LRP6: variants seen among roughly 807,000 people sequenced by gnomAD.
LRP6 encodes the protein low-density lipoprotein receptor-related protein 6.
LRP6 carries 43 observed loss-of-function variants against 184.1 expected under a neutral mutation model. The ratio of observed to expected loss-of-function variants is 0.23; its 90% confidence interval spans 0.18 to 0.30. The LOEUF (loss-of-function observed/expected upper bound fraction) is 0.30, where lower values mean the gene tolerates loss of function less well. LRP6 is among the 10% of genes least tolerant of loss of function. LRP6 has a pLI of 1.00. For synonymous variants in LRP6, 719 were observed against 684.9 expected (o/e 1.05, Z -0.78); for missense variants, 1,571 against 2,005.3 (o/e 0.78, Z 4.14).
chr12:12,167,586 T>C (rs187276273), intron 7 of LRP6, among the ~76,000 whole-genome samples: 2 of 151,146 alleles, frequency 1.3e-5, no homozygotes, highest in Non-Finnish European at 2.9e-5. Context: ...GAGGTTGCAG[T>C]GTGCCGAGAT....
intron 2 of LRP6, among the ~76,000 whole-genome samples, chr12:12,236,876 A>G (rs1172086457): frequency 6.6e-6 from 1 of 152,062 alleles, no homozygotes; most frequent in Non-Finnish European, 1.5e-5. Context: ...GGATGTGTTC[A>G]CCAACCCAGA....
At chr12:12,158,417 CT>C (rs1862652162) in intron 12 of LRP6, among the ~76,000 whole-genome samples, 1 of 152,106 alleles carries the variant, frequency 6.6e-6, no homozygotes, top group African/African-American at 2.4e-5. Flanking sequence ...CCTCAATCTC[CT>C]GGGGCCAAGT....
intron 1 of LRP6, among the ~76,000 whole-genome samples, chr12:12,253,240 G>A (rs1278575657): frequency 6.6e-6 from 1 of 152,044 alleles, no homozygotes. Flanking sequence ...CTCCAGCCTG[G>A]GCAACACAGC....
At chr12:12,187,174 A>G in intron 3 of LRP6, 55 bp from the exon 4 acceptor site, 1 of 1,430,738 alleles carries the variant, frequency 7.0e-7, no homozygotes, top group Admixed American at 1.8e-5. Flanking sequence ...TTCTTCTATC[A>G]TAACGTCACC....
intron 12 of LRP6, chr12:12,155,446 A>G: frequency 1.0e-6 from 1 of 958,456 alleles, no homozygotes; most frequent in East Asian, 2.4e-5. Context: ...GCAAAACTGG[A>G]AGGGTCTACA....
At chr12:12,205,621 G>A (rs1291954952) in intron 2 of LRP6, among the ~76,000 whole-genome samples, 1 of 152,132 alleles carries the variant, frequency 6.6e-6, no homozygotes, top group African/African-American at 2.4e-5. Context: ...TCTTACTTAA[G>A]CCTTAAGCAA....
At chr12:12,155,728 G>C (rs10466848) in intron 12 of LRP6, 81,276 of 1,061,230 alleles carry the variant, frequency 0.077, 3,647 homozygotes, top group Admixed American at 0.12. Flanking sequence ...CAGTGGGAAG[G>C]AGCCTGAGCT....
At chr12:12,207,626 G>A (rs1172856164) in intron 2 of LRP6, among the ~76,000 whole-genome samples, 1 of 152,106 alleles carries the variant, frequency 6.6e-6, no homozygotes, top group African/African-American at 2.4e-5. Context: ...TAGCAAACTA[G>A]CCAGAAATCT....
intron 7 of LRP6, among the ~76,000 whole-genome samples, chr12:12,166,076 GAT>G (rs1333401391): frequency 6.6e-6 from 1 of 152,110 alleles, no homozygotes; most frequent in African/African-American, 2.4e-5. Context: ...ACTAATATTT[GAT>G]ATTTACATAT....
At chr12:12,173,270 G>A (rs1038592131) in intron 7 of LRP6, among the ~76,000 whole-genome samples, 2 of 152,212 alleles carry the variant, frequency 1.3e-5, no homozygotes, top group Non-Finnish European at 2.9e-5. Context: ...AAACCTAATA[G>A]GGAAAAGATT....
At position 12,242,759 on chromosome 12, in the gene LRP6, C is replaced by T. The variant is rs1303997217; in HGVS notation, c.449+1503G>A. Among the ~76,000 whole-genome samples the T allele has an allele frequency of 2.0e-5, 3 of 152,216 alleles. No individual in the cohort carries two copies. The East Asian group carries it at 5.8e-4, about 29-fold the overall frequency. On this transcript the variant is annotated intron_variant, in intron 2 of 22. Transcript: ENST00000261349. ...CTTCAACAAACACGTTTTAATTTCA[C>T]TCTAAAAAATACATATTTGTATTTC...
chr12:12,139,219 G>T (rs1439176750), intron 15 of LRP6, among the ~76,000 whole-genome samples: 1 of 152,148 alleles, frequency 6.6e-6, no homozygotes, highest in African/African-American at 2.4e-5. Flanking sequence ...TAAGTCATGA[G>T]TTCAGTCAAA....
rs902245186 is a variant in LRP6, at chr12:12,119,855, C to T, written c.*1271G>A. On this transcript the variant is annotated 3_prime_UTR_variant, in exon 23 of 23. Transcript: ENST00000261349. ...ATGTAGACATTATTCTGAGAAAAAC[C>T]GGTCTAAAGAACATGAAAACATCAC... is the stretch of plus-strand genomic sequence containing the variant. 2.7e-5 allele frequency: 4 copies of T among 150,606 alleles called. No individual in the cohort carries two copies. Among genetic ancestry groups the T allele is most frequent in the African/African-American group, 7.3e-5 (3 of 40,898 alleles). The allele number at this position is 150,606 out of a possible 1,614,324, so 9.3% of individuals were successfully genotyped here.
chr12:12,203,362 A>G lies in LRP6; in HGVS notation c.488T>C (p.Ile163Thr). ...YWTDWGEVPK[I>T]ERAGMDGSSR... Reference sequence around the variant, plus strand: ...TGAACCATCCATTCCAGCACGTTCTATCTTTGGCACTTCTCCCCAGTCTGT... The same window carrying G: ...TGAACCATCCATTCCAGCACGTTCTGTCTTTGGCACTTCTCCCCAGTCTGT... The change falls in exon 3 of 23, where the codon ATA (isoleucine) becomes ACA (threonine). Residue 163 changes from isoleucine (I) to threonine (T), a missense_variant. Coordinates refer to ENST00000261349, the MANE Select transcript of LRP6 (RefSeq NM_002336.3). The G allele has an allele frequency of 1.2e-6, 2 of 1,614,132 alleles. No homozygotes were observed. The highest frequency in any genetic ancestry group is 1.7e-5 in the Admixed American group (1 of 60,022).
intron 12 of LRP6, among the ~76,000 whole-genome samples, chr12:12,156,914 T>C (rs1443240832): frequency 1.3e-5 from 2 of 152,212 alleles, no homozygotes; most frequent in Non-Finnish European, 2.9e-5. Flanking sequence ...GGCCCACAAG[T>C]TAAATCTGGC....
chr12:12,266,960 A>C lies in LRP6; in HGVS notation c.-225T>G. The C allele has an allele frequency of 3.7e-6, 2 of 544,004 alleles. No homozygotes were observed. Among genetic ancestry groups the C allele is most frequent in the Non-Finnish European group, 6.4e-6 (2 of 312,000 alleles). The allele number at this position is 544,004 out of a possible 1,614,324, so 33.7% of individuals were successfully genotyped here. On this transcript the variant is annotated 5_prime_UTR_variant, in exon 1 of 23. The change abolishes an upstream ATG in the 5' untranslated region. Transcript: ENST00000261349. ...TCGCGCGACGCCAGCGTCTGCTTCC[A>C]TCCCGCCGCCTCCTCCCCCGGCGCC...
chr12:12,165,295 C>A lies in LRP6; in HGVS notation c.1546G>T (p.Val516Phe), dbSNP rs1021205902. 14 of 1,606,026 alleles carry A rather than the reference C, an allele frequency of 8.7e-6. No homozygotes were observed. Among genetic ancestry groups the A allele is most frequent in the South Asian group, 1.1e-5 (1 of 90,940 alleles). ...WGDAKTDKIE[V>F]MNTDGTGRRV... is the part of the protein sequence containing the mutation. ...CTCCCAGTGCCATCAGTATTCATAACCTTCAGGTTTAAATTCAAAAGAGAA... is the reference window on the plus strand; with the variant it reads ...CTCCCAGTGCCATCAGTATTCATAAACTTCAGGTTTAAATTCAAAAGAGAA... Residue 516 changes from valine (V) to phenylalanine (F), a missense_variant and splice_region_variant, in exon 8 of 23, where the codon GTT becomes TTT. Transcript: ENST00000261349.
rs1238738902 is a variant in LRP6 at position 12,204,371 on chromosome 12, T to A, written c.450-971A>T. On this transcript the variant is annotated intron_variant, in intron 2 of 22. Transcript: ENST00000261349. ...TATGATAACTACATCAAGTGTATGA[T>A]CTTGGACTGATGAAGTAGGAAGAAA... Among the ~76,000 whole-genome samples, 13 of 150,734 alleles carry A rather than the reference T, an allele frequency of 8.6e-5. No individual in the cohort carries two copies. In the East Asian group the frequency reaches 2.5e-3, roughly 29 times the overall value.
chr12:12,254,616 G>A (rs1865416432), intron 1 of LRP6, among the ~76,000 whole-genome samples: 1 of 152,186 alleles, frequency 6.6e-6, no homozygotes. Context: ...CAATGAGTCT[G>A]CCTTCTAGCT....
Sources: gnomAD v4.1 joint callset for allele counts (sites outside exome capture counted in the v4.1 genomes callset) on GRCh38, gnomAD v4.1.1 for gene constraint, MANE v1.5 for transcripts, NCBI Gene and HGNC (gene_info 2026-07-23, HGNC 2026-07-21) for gene names.